The following SGSM2 variants were observed in gnomAD, a reference collection of about 807,000 sequenced individuals.
The protein encoded by SGSM2 is RUN and TBC1 domain containing 1.
Under a neutral mutation model 126.6 loss-of-function variants are expected in SGSM2, and 89 were observed. That is an observed-to-expected ratio of 0.70 (90% confidence interval 0.59 to 0.84). The LOEUF (loss-of-function observed/expected upper bound fraction) is 0.84, where lower values mean the gene tolerates loss of function less well. Ranked by LOEUF, SGSM2 falls within the 40% of genes least tolerant of loss-of-function variation. The probability of loss-of-function intolerance (pLI) is 0.00; values close to 1 mark genes in which losing one functional copy is unlikely to be tolerated. For synonymous variants in SGSM2, 614 were observed against 574.3 expected, an observed-to-expected ratio of 1.07 and a Z score of -0.99; for missense variants, 1,404 against 1,416.6, an observed-to-expected ratio of 0.99 and a Z score of 0.14.
chr17:2,365,434 C>T (rs942868764), intron 11 of SGSM2, 93 bp downstream of exon 11: 4 of 1,403,846 alleles, frequency 2.8e-6, no homozygotes, highest in Non-Finnish European at 3.8e-6. Flanking sequence ...CAGGCAGGGC[C>T]CACTGACCAG....
At chr17:2,342,232 A>T (rs1001962782) in intron 1 of SGSM2, among the ~76,000 whole-genome samples, 14 of 150,332 alleles carry the variant, frequency 9.3e-5, no homozygotes, top group Non-Finnish European at 1.6e-4. Context: ...CCTGGCCAAC[A>T]TGGAGAAACC....
At chr17:2,357,827 T>C (rs1408461788) in intron 2 of SGSM2, among the ~76,000 whole-genome samples, 1 of 152,244 alleles carries the variant, frequency 6.6e-6, no homozygotes, top group Non-Finnish European at 1.5e-5. Flanking sequence ...TTCTCCATTT[T>C]GATTCATTTG....
chr17:2,345,586 A>G (rs1211884740), intron 2 of SGSM2, among the ~76,000 whole-genome samples: 1 of 128,818 alleles, frequency 7.8e-6, no homozygotes, highest in East Asian at 2.3e-4. Context: ...ACAGAGCGAG[A>G]CTCTGTCTCA....
At chr17:2,376,434 T>A in intron 19 of SGSM2, 173 bp downstream of exon 19, 1 of 767,314 alleles carries the variant, frequency 1.3e-6, no homozygotes, top group South Asian at 1.8e-5. Flanking sequence ...CTCTTCATTC[T>A]TAGGGGCCTA....
Position 2,354,753 on chromosome 17 carries a change from C to T in SGSM2, c.134-6884C>T, listed in dbSNP as rs535600013. On this transcript the variant is annotated intron_variant, in intron 2 of 23. Coordinates refer to ENST00000268989, the MANE Select transcript of SGSM2 (RefSeq NM_014853.3). ...CAATATATGAATGGATTCAGCAGCTCCCCACGTCCCTTCCATCTGTGTCTT... is the reference window on the plus strand; with the variant it reads ...CAATATATGAATGGATTCAGCAGCTTCCCACGTCCCTTCCATCTGTGTCTT... Among the ~76,000 whole-genome samples, 251 of 152,372 alleles carry T rather than the reference C, an allele frequency of 1.6e-3. 2 individuals carry two copies. Among genetic ancestry groups the T allele is most frequent in the Admixed American group, 2.5e-3 (38 of 15,304 alleles).
In SGSM2 at chr17:2,375,329, G is replaced by A. The variant is rs2066079435; in HGVS notation, c.2101-163G>A. 4 of 815,546 alleles carry A rather than the reference G, an allele frequency of 4.9e-6. No individual in the cohort carries two copies. In the South Asian group the frequency reaches 7.9e-5, roughly 16 times the overall value. The allele number at this position is 815,546 out of a possible 1,614,324, so 50.5% of individuals were successfully genotyped here. On this transcript the variant is annotated intron_variant, in intron 17 of 23. Transcript: ENST00000268989. ...TTGTTTCTCTCCGCCTGGCTGGCTG[G>A]GTCAGAAGCTGGCTTGGTGCCCCGT...
rs926324567 is a variant in SGSM2, at chr17:2,343,484, G to T, written c.58-61G>T. 5.2e-6 allele frequency: 8 copies of T among 1,531,568 alleles called. No individual in the cohort carries two copies. In the African/African-American group the frequency reaches 6.8e-5, roughly 13 times the overall value. The allele number at this position is 1,531,568 out of a possible 1,614,324, so 94.9% of individuals were successfully genotyped here. A position where few individuals can be genotyped will look rare whatever the true frequency, so the allele number is the denominator to read the frequency against. ...AAGGGCGGAACCAAACTATTTATTT[G>T]CCCAGAGGTCTTTGATAAGGGAAAA... is the stretch of plus-strand genomic sequence containing the variant. On this transcript the variant is annotated intron_variant, in intron 1 of 23. Transcript: ENST00000268989.
chr17:2,371,705 A>G (rs1036914852), intron 13 of SGSM2: 131 of 425,906 alleles, frequency 3.1e-4, no homozygotes, highest in African/African-American at 2.1e-3. Context: ...GAAGGTCCGG[A>G]GTTGTGCCGG....
chr17:2,380,297 T>C lies in SGSM2; in HGVS notation c.*777T>C. The C allele has an allele frequency of 6.5e-7, 1 of 1,535,970 alleles. No homozygotes were observed. The highest frequency in any genetic ancestry group is 8.7e-7 in the Non-Finnish European group (1 of 1,146,908). On this transcript the variant is annotated 3_prime_UTR_variant, in exon 24 of 24. Transcript: ENST00000268989. Reference sequence around the variant, plus strand: ...CCTGAAAACCACGTGTAAGAAGTGATGCTTTTGCCAGTGGATGATCTGGAA... The same window carrying C: ...CCTGAAAACCACGTGTAAGAAGTGACGCTTTTGCCAGTGGATGATCTGGAA...
At chr17:2,357,511 C>T (rs979028574) in intron 2 of SGSM2, among the ~76,000 whole-genome samples, 3 of 152,112 alleles carry the variant, frequency 2.0e-5, no homozygotes, top group African/African-American at 7.2e-5. Flanking sequence ...ATTTTATTTT[C>T]TTGAGATGGA....
chr17:2,344,785 G>A (rs1050362208), intron 2 of SGSM2, among the ~76,000 whole-genome samples: 7 of 152,206 alleles, frequency 4.6e-5, no homozygotes, highest in African/African-American at 1.2e-4. Flanking sequence ...GAATCCTGGC[G>A]TCCTGCCTTT....
Position 2,373,436 on chromosome 17 carries a change from AC to A in SGSM2, c.2025del (p.Lys676SerfsTer93). The A allele has an allele frequency of 6.2e-7, 1 of 1,611,138 alleles. No individual in the cohort carries two copies. The highest frequency in any genetic ancestry group is 8.5e-7 in the Non-Finnish European group (1 of 1,179,950). On this transcript the variant is annotated frameshift_variant, in exon 17 of 24. Coordinates refer to ENST00000268989, the MANE Select transcript of SGSM2 (RefSeq NM_014853.3). LOFTEE classifies it high-confidence loss of function. ...REREAHPATR[T>X]KFSSGSSIDS... ...GCGGGAGGCCCACCCAGCCACACGC[AC>A]CAAGTTCTCCTCAGGCAGCAGCATC...
rs762455545 is a variant in SGSM2 at position 2,380,283 on chromosome 17, C to T, written c.*763C>T. On this transcript the variant is annotated 3_prime_UTR_variant, in exon 24 of 24. Transcript: ENST00000268989. ...GCATTAGGTACTTCCCTGAAAACCA[C>T]GTGTAAGAAGTGATGCTTTTGCCAG... The T allele has an allele frequency of 1.4e-5, 21 of 1,535,898 alleles. No individual in the cohort carries two copies. Among genetic ancestry groups the T allele is most frequent in the South Asian group, 5.9e-5 (5 of 84,072 alleles).
rs2065670964 is a variant in SGSM2 at position 2,367,902 on chromosome 17, G to A, written c.1423+497G>A. Reference sequence around the variant, plus strand: ...GGGGTTGAGGGCTGCCATGCGAAGGGCCCCAGGGCTCAGTCTTCCCAGGAG... The same window carrying A: ...GGGGTTGAGGGCTGCCATGCGAAGGACCCCAGGGCTCAGTCTTCCCAGGAG... On this transcript the variant is annotated intron_variant, in intron 12 of 23. Transcript: ENST00000268989. This position sits in a 1 kb window ranked among gnomAD's most constrained non-coding sequence, Gnocchi z 4.0. 6.6e-6 allele frequency among the ~76,000 whole-genome samples: 1 copy of A among 152,170 alleles called. No individual in the cohort carries two copies. The highest frequency in any genetic ancestry group is 1.9e-4 in the East Asian group (1 of 5,190).
chr17:2,376,718 C>G lies in SGSM2; in HGVS notation c.2610-15C>G, dbSNP rs920791283. 2 of 1,613,036 alleles carry G rather than the reference C, an allele frequency of 1.2e-6. No individual in the cohort carries two copies. The highest frequency in any genetic ancestry group is 4.5e-5 in the East Asian group (2 of 44,856). On this transcript the variant is annotated splice_polypyrimidine_tract_variant and intron_variant, in intron 19 of 23. Coordinates refer to ENST00000268989, the MANE Select transcript of SGSM2 (RefSeq NM_014853.3). ...AATGGGGCACAGCCACAGTGACTCT[C>G]CCCCTGCCTTTCAGCTACGTGTGGG...
At chr17:2,353,030 G>A (rs1056770665) in intron 2 of SGSM2, among the ~76,000 whole-genome samples, 1 of 151,956 alleles carries the variant, frequency 6.6e-6, no homozygotes, top group African/African-American at 2.4e-5. Flanking sequence ...ACCCGCCTCG[G>A]CCTCCCAAAG....
rs746666645 is a variant in SGSM2 at position 2,373,060 on chromosome 17, G to A, written c.1896G>A (p.Met632Ile). The change falls in exon 16 of 24, where the codon ATG becomes ATA. Residue 632 changes from methionine to isoleucine, a missense_variant. By Grantham distance (10) the Met-to-Ile change is conservative (BLOSUM62 1). Transcript: ENST00000268989. ...TGCTTGGCCACTACAAGTTCGGCAT[G>A]AGCAAGAAGGAGATGGAGCAGGTGA... ...PFLLGHYKFGMSKKEMEQVDA... is the reference protein window; with the variant it reads ...PFLLGHYKFGISKKEMEQVDA... 4.3e-6 allele frequency: 7 copies of A among 1,610,340 alleles called. No homozygotes were observed. The highest frequency in any genetic ancestry group is 5.9e-6 in the Non-Finnish European group (7 of 1,178,946).
At position 2,375,818 on chromosome 17, in the gene SGSM2, G is replaced by C; in HGVS notation, c.2427G>C (p.Gln809His). The change falls in exon 18 of 24, where the codon CAG (glutamine) becomes CAC (histidine). Residue 809 changes from glutamine to histidine, a missense_variant. Gln to His is a conservative substitution (Grantham distance 24). Coordinates refer to ENST00000268989, the MANE Select transcript of SGSM2 (RefSeq NM_014853.3). ...AGGATCCCAGCCAGGAGAAGCCTCA[G>C]GCCGGAGAACTGGAGGCCGGAGAGG... Reference protein sequence around the residue: ...EPQDPSQEKPQAGELEAGEEL... With the variant: ...EPQDPSQEKPHAGELEAGEEL... 6.4e-7 allele frequency: 1 copy of C among 1,555,192 alleles called. No homozygotes were observed. The highest frequency in any genetic ancestry group is 1.2e-5 in the South Asian group (1 of 82,270).
Position 2,380,325 on chromosome 17 carries a change from C to A in SGSM2, c.*805C>A. On this transcript the variant is annotated 3_prime_UTR_variant, in exon 24 of 24. Coordinates refer to ENST00000268989, the MANE Select transcript of SGSM2 (RefSeq NM_014853.3). ...TTTTGCCAGTGGATGATCTGGAATG[C>A]GACCGGAGCACTTGCTCTGAGGAAT... 3 of 1,534,204 alleles carry A rather than the reference C, an allele frequency of 2.0e-6. No individual in the cohort carries two copies. The highest frequency in any genetic ancestry group is 1.7e-6 in the Non-Finnish European group (2 of 1,145,410).
Sources: gnomAD v4.1 joint callset for allele counts (sites outside exome capture counted in the v4.1 genomes callset) on GRCh38, gnomAD v4.1.1 for gene constraint, Gnocchi (gnomAD v3.1) non-coding constraint, MANE v1.5 for transcripts, NCBI Gene and HGNC (gene_info 2026-07-23, HGNC 2026-07-21) for gene names.